The following OSBPL9 variants were observed in gnomAD, a reference collection of about 807,000 sequenced individuals.
The protein encoded by OSBPL9 is oxysterol binding protein like 9.
OSBPL9 carries 40 observed loss-of-function variants against 106.6 expected under a neutral mutation model. The ratio of observed to expected loss-of-function variants is 0.38; its 90% CI spans 0.29 to 0.49. OSBPL9 has a LOEUF of 0.49. Ranked by LOEUF, OSBPL9 falls within the 20% of genes least tolerant of loss-of-function variation. The pLI is 0.97. For synonymous variants in OSBPL9, 269 were observed against 295.4 expected (o/e 0.91, Z 0.92); for missense variants, 609 against 887.2 (o/e 0.69, Z 3.98).
At chr1:51,786,923 T>C (rs1043209785) in intron 22 of OSBPL9, among the ~76,000 whole-genome samples, 4 of 152,194 alleles carry the variant, frequency 2.6e-5, no homozygotes, top group African/African-American at 7.2e-5. Context: ...ATTCATACTA[T>C]TTTCTCCATC....
chr1:51,648,956 A>T (rs1646337497), intron 1 of OSBPL9, among the ~76,000 whole-genome samples: 1 of 152,100 alleles, frequency 6.6e-6, no homozygotes, highest in Admixed American at 6.5e-5. Context: ...TCTAAAACAC[A>T]CCTTTAAGAA....
rs114783963 is a variant in OSBPL9, at chr1:51,729,598, C to G, written c.318+15519C>G. On this transcript the variant is annotated intron_variant, in intron 4 of 23. Coordinates refer to ENST00000428468, the MANE Select transcript of OSBPL9 (RefSeq NM_024586.6). This position sits in a 1 kb window ranked among gnomAD's most constrained non-coding sequence, Gnocchi z 5.1. The stretch of plus-strand genomic sequence containing the variant: ...GGGTCGCGGGTCTGGGCGGGGCGCT[C>G]CGGACGCCCTCCCGCCGCTGCGCAC... 1 of 188,906 alleles carries G rather than the reference C, an allele frequency of 5.3e-6. No individual in the cohort carries two copies. The highest frequency in any genetic ancestry group is 1.1e-5 in the Non-Finnish European group (1 of 93,624). The allele number at this position is 188,906 out of a possible 1,614,324, so 11.7% of individuals were successfully genotyped here.
the OSBPL9 span, among the ~76,000 whole-genome samples, chr1:51,571,959 C>T: frequency 1.3e-5 from 2 of 152,130 alleles, no homozygotes; most frequent in Non-Finnish European, 2.9e-5. Context: ...AACCAAGAAA[C>T]CACACTGAGA....
intron 3 of OSBPL9, among the ~76,000 whole-genome samples, chr1:51,676,176 G>T (rs920767877): frequency 6.6e-6 from 1 of 151,966 alleles, no homozygotes; most frequent in African/African-American, 2.4e-5. Flanking sequence ...TTAAGAGGCC[G>T]GGCACTTTGG....
At chr1:51,611,277 AG>A (rs1643986355) in intron 2 of OSBPL9, among the ~76,000 whole-genome samples, 1 of 151,658 alleles carries the variant, frequency 6.6e-6, no homozygotes, top group African/African-American at 2.4e-5. Context: ...TGAACAAAAC[AG>A]GCTATGCCTT....
In OSBPL9 at chr1:51,742,439, C is replaced by T. The variant is rs959545344; in HGVS notation, c.319-3097C>T. ...TAGTCCTGTTTAAAACTCGGCCGGG[C>T]GCATTGGCCCACACCTTGTAATCTC... On this transcript the variant is annotated intron_variant, in intron 4 of 23. Transcript: ENST00000428468. Among the ~76,000 whole-genome samples, 9 of 152,054 alleles carry T rather than the reference C, an allele frequency of 5.9e-5. No homozygotes were observed. The East Asian group carries it at 1.5e-3, about 26-fold the overall frequency.
chr1:51,637,272 C>T (rs192139119), intron 1 of OSBPL9, among the ~76,000 whole-genome samples: 191 of 152,276 alleles, frequency 1.3e-3, no homozygotes, highest in South Asian at 6.2e-3. Context: ...GGGTGGATCA[C>T]ATGAGGTCAG....
the OSBPL9 span, among the ~76,000 whole-genome samples, chr1:51,531,593 A>G: frequency 6.6e-6 from 1 of 152,234 alleles, no homozygotes; most frequent in African/African-American, 2.4e-5. Context: ...GATGAGTAAG[A>G]CTATGGAAGA....
At chr1:51,638,148 T>C (rs1199973470) in intron 1 of OSBPL9, among the ~76,000 whole-genome samples, 2 of 152,198 alleles carry the variant, frequency 1.3e-5, no homozygotes, top group African/African-American at 4.8e-5. Context: ...TGTTTACTGA[T>C]ATATTTTTGT....
In OSBPL9 at chr1:51,617,123, A is replaced by C; in HGVS notation, c.13A>C (p.Met5Leu). The change falls in exon 1 of 24, where the codon ATG becomes CTG. Residue 5 changes from methionine (M) to leucine (L), a missense_variant. Transcript: ENST00000428468. ...GGCGGCTCCCAAGATGGCGTCCATCATGGAAGGGCCGCTGAGCAAATGGAC... is the reference window on the plus strand; with the variant it reads ...GGCGGCTCCCAAGATGGCGTCCATCCTGGAAGGGCCGCTGAGCAAATGGAC... MASIMEGPLSKWTNV... is the reference protein window; with the variant it reads MASILEGPLSKWTNV... 1 of 1,611,900 alleles carries C rather than the reference A, an allele frequency of 6.2e-7. No homozygotes were observed. Among genetic ancestry groups the C allele is most frequent in the Non-Finnish European group, 8.5e-7 (1 of 1,179,224 alleles).
At chr1:51,629,261 G>T (rs1376649014) in intron 1 of OSBPL9, among the ~76,000 whole-genome samples, 2 of 152,018 alleles carry the variant, frequency 1.3e-5, no homozygotes, top group Admixed American at 1.3e-4. Context: ...CTTGCTTATT[G>T]TCTGTTTCTG....
At chr1:51,741,282 CT>C (rs1012635871) in intron 4 of OSBPL9, among the ~76,000 whole-genome samples, 1 of 152,108 alleles carries the variant, frequency 6.6e-6, no homozygotes, top group Non-Finnish European at 1.5e-5. Flanking sequence ...CTTTCTCTCT[CT>C]ATTAAACTGG....
At chr1:51,613,740 C>G (rs1262186401), upstream of OSBPL9, among the ~76,000 whole-genome samples, 1 of 142,890 alleles carries the variant, frequency 7.0e-6, no homozygotes, top group African/African-American at 2.6e-5. Flanking sequence ...TCTTTCTTTT[C>G]TTTTTTTTTT....
chr1:51,671,017 T>A (rs1242623890), intron 3 of OSBPL9, among the ~76,000 whole-genome samples: 1 of 152,204 alleles, frequency 6.6e-6, no homozygotes, highest in African/African-American at 2.4e-5. Context: ...ATTATTTATG[T>A]CCCCTTTGGC....
At chr1:51,624,512 C>T (rs1644648002) in intron 1 of OSBPL9, among the ~76,000 whole-genome samples, 1 of 151,764 alleles carries the variant, frequency 6.6e-6, no homozygotes, top group Admixed American at 6.6e-5. Flanking sequence ...CGCTTGAACC[C>T]GGAAGGCAAA....
chr1:51,734,351 A>C (rs189227108), intron 4 of OSBPL9, among the ~76,000 whole-genome samples: 1 of 152,306 alleles, frequency 6.6e-6, no homozygotes, highest in Non-Finnish European at 1.5e-5. Context: ...ATGTTTTAAA[A>C]TCTGGTTGTG....
the OSBPL9 span, among the ~76,000 whole-genome samples, chr1:51,541,684 G>A: frequency 6.6e-6 from 1 of 152,172 alleles, no homozygotes; most frequent in East Asian, 1.9e-4. Context: ...GCAAGGATGA[G>A]GATGTAGCAG....
At chr1:51,588,437 T>A (rs7523959) in intron 1 of OSBPL9, among the ~76,000 whole-genome samples, 1 of 151,728 alleles carries the variant, frequency 6.6e-6, no homozygotes, top group Admixed American at 6.6e-5. Context: ...AGCAGGAGAA[T>A]TGCTTGAGCC....
intron 4 of OSBPL9, among the ~76,000 whole-genome samples, chr1:51,719,525 G>A: frequency 6.6e-6 from 1 of 151,822 alleles, no homozygotes; most frequent in African/African-American, 2.4e-5. Flanking sequence ...ATCATCACAA[G>A]AAGACTCAGG....
Sources: allele counts gnomAD v4.1 joint callset (sites outside exome capture counted in the v4.1 genomes callset), GRCh38; gene constraint gnomAD v4.1.1; non-coding constraint Gnocchi (gnomAD v3.1); transcripts MANE v1.5; gene names NCBI Gene and HGNC (gene_info 2026-07-23, HGNC 2026-07-21).